ZNF257: variants seen among roughly 807,000 people sequenced by gnomAD.
The protein encoded by ZNF257 is zinc finger protein 257.
Under a neutral mutation model 11.9 loss-of-function variants are expected in ZNF257, and 12 were observed. The observed-to-expected ratio is 1.01, with a 90% CI of 0.65 to 1.63. The LOEUF (loss-of-function observed/expected upper bound fraction) is 1.63. Among genes scored for constraint, ZNF257 ranks in the 40% most tolerant of loss-of-function variants. The pLI is 0.00. For missense variants in ZNF257, 580 were observed against 665.5 expected (o/e 0.87, Z 1.41); for synonymous variants, 183 against 222.7 (o/e 0.82, Z 1.59).
chr19:22,084,905 T>C (rs1345591923), intron 3 of ZNF257, among the ~76,000 whole-genome samples: 1 of 152,052 alleles, frequency 6.6e-6, no homozygotes, highest in Non-Finnish European at 1.5e-5. Context: ...AATTTTTTAT[T>C]TTTGGTAGAG....
In ZNF257 at chr19:22,088,577, A is replaced by T; in HGVS notation, c.827A>T (p.Lys276Met). The T allele has an allele frequency of 6.2e-7, 1 of 1,613,544 alleles. No homozygotes were observed. Among genetic ancestry groups the T allele is most frequent in the Non-Finnish European group, 8.5e-7 (1 of 1,179,844 alleles). The change falls in exon 4 of 4, where the codon AAG becomes ATG. Residue 276 changes from lysine to methionine, a missense_variant. Coordinates refer to ENST00000594947, the MANE Select transcript of ZNF257 (RefSeq NM_033468.4). ...CGGTCTTCACACATTACTCAACATA[A>T]GAGAATTCATAATAGAGAGAAGCCC... ...FNRSSHITQH[K>M]RIHNREKPFK...
At chr19:22,070,921 A>G (rs2022089639) in intron 1 of ZNF257, among the ~76,000 whole-genome samples, 1 of 152,124 alleles carries the variant, frequency 6.6e-6, no homozygotes, top group Admixed American at 6.6e-5. Flanking sequence ...ATAAGCCCAG[A>G]CCTCTAATTA....
At chr19:22,073,699 A>G in intron 3 of ZNF257, 135 bp downstream of exon 3, 3 of 1,114,908 alleles carry the variant, frequency 2.7e-6, no homozygotes, top group Non-Finnish European at 3.7e-6. Flanking sequence ...CTGAGTTTGC[A>G]TTTTTTTTTT....
chr19:22,073,839 T>C (rs1022218613), intron 3 of ZNF257, among the ~76,000 whole-genome samples: 6 of 152,056 alleles, frequency 3.9e-5, no homozygotes, highest in African/African-American at 1.5e-4. Context: ...AGAGACTGCA[T>C]AGTCTGACTG....
At chr19:22,072,593 GC>G (rs2022128997) in intron 1 of ZNF257, among the ~76,000 whole-genome samples, 1 of 152,134 alleles carries the variant, frequency 6.6e-6, no homozygotes, top group African/African-American at 2.4e-5. Flanking sequence ...TGCCCTGGCT[GC>G]TTGGTAAATG....
chr19:22,052,518 T>A lies in ZNF257; in HGVS notation c.-115T>A, dbSNP rs1971727469. On this transcript the variant is annotated 5_prime_UTR_variant, in exon 1 of 4. Coordinates refer to ENST00000594947, the MANE Select transcript of ZNF257 (RefSeq NM_033468.4). Reference sequence around the variant, plus strand: ...CTCGCTCTAGCCCGAGCTGCAGGTCTCGTCTTCCCTGGTCTGTGTCCTCTT... The same window carrying A: ...CTCGCTCTAGCCCGAGCTGCAGGTCACGTCTTCCCTGGTCTGTGTCCTCTT... 7.7e-7 allele frequency: 1 copy of A among 1,299,094 alleles called. No homozygotes were observed. Among genetic ancestry groups the A allele is most frequent in the South Asian group, 1.2e-5 (1 of 84,774 alleles). 80.5% of individuals were successfully genotyped at this position (1,299,094 alleles called of 1,614,324 possible).
intron 1 of ZNF257, among the ~76,000 whole-genome samples, chr19:22,067,906 C>T (rs906282667): frequency 6.7e-6 from 1 of 149,248 alleles, no homozygotes; most frequent in Non-Finnish European, 1.5e-5. Context: ...ATGTATTCAT[C>T]TCCTGAAACC....
Position 22,088,322 on chromosome 19 carries a change from A to G in ZNF257, c.572A>G (p.His191Arg). The G allele has an allele frequency of 6.2e-7, 1 of 1,613,700 alleles. No homozygotes were observed. Among genetic ancestry groups the G allele is most frequent in the Non-Finnish European group, 8.5e-7 (1 of 1,179,822 alleles). The change falls in exon 4 of 4, where the codon CAT becomes CGT. Residue 191 changes from histidine to arginine, a missense_variant. Coordinates refer to ENST00000594947, the MANE Select transcript of ZNF257 (RefSeq NM_033468.4). ...SFCMLSQLTR[H>R]KRIHIRENSH... is the part of the protein sequence containing the mutation. ...TGCATGCTTTCACAACTAACTCGAC[A>G]TAAGAGAATTCATATTAGAGAGAAT...
chr19:22,085,815 T>C (rs1456488827), intron 3 of ZNF257, among the ~76,000 whole-genome samples: 1 of 152,140 alleles, frequency 6.6e-6, no homozygotes, highest in African/African-American at 2.4e-5. Flanking sequence ...ATACATTTTA[T>C]ATAATATGAG....
intron 1 of ZNF257, among the ~76,000 whole-genome samples, chr19:22,071,977 A>C (rs2022114024): frequency 6.6e-6 from 1 of 152,196 alleles, no homozygotes; most frequent in Non-Finnish European, 1.5e-5. Flanking sequence ...GGTGCTAAAG[A>C]AAGACTACTT....
chr19:22,077,707 A>G (rs896734260), intron 3 of ZNF257, among the ~76,000 whole-genome samples: 1 of 152,154 alleles, frequency 6.6e-6, no homozygotes, highest in African/African-American at 2.4e-5. Flanking sequence ...GACTTTTGTG[A>G]ATACTAATAC....
Position 22,089,103 on chromosome 19 carries a change from A to G in ZNF257, c.1353A>G (p.Ile451Met). The G allele has an allele frequency of 6.2e-7, 1 of 1,613,136 alleles. No homozygotes were observed. The highest frequency in any genetic ancestry group is 8.5e-7 in the Non-Finnish European group (1 of 1,179,730). The part of the protein sequence containing the change: ...NRSSYLIRHK[I>M]IHTGEKPYKC... ...CTTCATACCTTATTCGACATAAGAT[A>G]ATTCATACTGGAGAGAAACCCTACA... is the stretch of plus-strand genomic sequence containing the variant. The change falls in exon 4 of 4, where the codon ATA becomes ATG. Residue 451 changes from isoleucine (I) to methionine (M), a missense_variant. Transcript: ENST00000594947.
chr19:22,070,346 T>C (rs147518762), intron 1 of ZNF257, among the ~76,000 whole-genome samples: 102 of 151,062 alleles, frequency 6.8e-4, no homozygotes, highest in Non-Finnish European at 5.9e-5. Context: ...TTATAAAAAA[T>C]TAATGACAGA....
chr19:22,078,489 G>A (rs78137716), intron 3 of ZNF257, among the ~76,000 whole-genome samples: 65 of 151,940 alleles, frequency 4.3e-4, no homozygotes, highest in African/African-American at 1.5e-3. Flanking sequence ...CCTATCATGT[G>A]ATTTGCAAAT....
rs541698667 is a variant in ZNF257 at position 22,072,334 on chromosome 19, T to G, written c.4-475T>G. On this transcript the variant is annotated intron_variant, in intron 1 of 3. Transcript: ENST00000594947. ...TTCTTAGGTTTTATTTGCATATATC[T>G]GTCTTTGGCAAGTAAAAACTGTCAT... 3.9e-5 allele frequency among the ~76,000 whole-genome samples: 6 copies of G among 152,304 alleles called. No homozygotes were observed. In the South Asian group the frequency reaches 1.2e-3, roughly 32 times the overall value.
At chr19:22,064,560 G>GT (rs1004995224) in intron 1 of ZNF257, among the ~76,000 whole-genome samples, 5 of 151,992 alleles carry the variant, frequency 3.3e-5, no homozygotes, top group Admixed American at 1.3e-4. Flanking sequence ...ATACTGAGTA[G>GT]TTTTTTTTAA....
At chr19:22,061,186 A>G (rs2021786450) in intron 1 of ZNF257, among the ~76,000 whole-genome samples, 1 of 152,092 alleles carries the variant, frequency 6.6e-6, no homozygotes, top group South Asian at 2.1e-4. Flanking sequence ...TGATAGGAAT[A>G]GTATTAGATC....
At chr19:22,055,349 G>A (rs10407250) in intron 1 of ZNF257, among the ~76,000 whole-genome samples, 36,010 of 151,656 alleles carry the variant, frequency 0.24, 5,808 homozygotes, top group African/African-American at 0.46. Context: ...GGGATTAAAG[G>A]TGCCCACCCC....
intron 3 of ZNF257, among the ~76,000 whole-genome samples, chr19:22,079,845 C>G (rs2022319919): frequency 6.6e-6 from 1 of 152,058 alleles, no homozygotes; most frequent in South Asian, 2.1e-4. Context: ...TTTTTGGCCC[C>G]TGAGCAAGAA....
Sources: allele counts gnomAD v4.1 joint callset (sites outside exome capture counted in the v4.1 genomes callset), GRCh38; gene constraint gnomAD v4.1.1; transcripts MANE v1.5; gene names NCBI Gene and HGNC (gene_info 2026-07-23, HGNC 2026-07-21).